Variants in DACH1 observed in about 807,000 individuals in gnomAD.
DACH1 encodes the protein dachshund homolog 1.
DACH1 carries 12 observed loss-of-function variants against 54.2 expected under a neutral mutation model. That is an observed-to-expected ratio of 0.22 (90% CI 0.14 to 0.36). DACH1 has a LOEUF of 0.36. Ranked by LOEUF, DACH1 falls within the 10% of genes least tolerant of loss-of-function variation. The pLI is 1.00. For missense variants in DACH1, 805 were observed against 929.8 expected (o/e 0.87, Z 1.75); for synonymous variants, 386 against 366.2 (o/e 1.05, Z -0.62).
At chr13:71,841,521 T>G (rs1275169802) in intron 1 of DACH1, among the ~76,000 whole-genome samples, 2 of 152,196 alleles carry the variant, frequency 1.3e-5, no homozygotes. Flanking sequence ...ACTGAAAGAA[T>G]GCTTGCATAG....
intron 2 of DACH1, among the ~76,000 whole-genome samples, chr13:71,677,484 C>T (rs1880645391): frequency 1.3e-5 from 2 of 152,138 alleles, no homozygotes; most frequent in South Asian, 4.1e-4. Context: ...ATTCCACAAG[C>T]AATCTCAAAG....
chr13:71,655,490 C>T (rs892314447), intron 2 of DACH1, among the ~76,000 whole-genome samples: 2 of 151,646 alleles, frequency 1.3e-5, no homozygotes, highest in Admixed American at 6.6e-5. Flanking sequence ...CCTGCCTCAG[C>T]CTCCCGAGTA....
intron 3 of DACH1, chr13:71,573,685 A>T: frequency 2.2e-6 from 1 of 455,098 alleles, no homozygotes; most frequent in South Asian, 5.7e-5. Flanking sequence ...TGGAAAACTG[A>T]TTTCTAGGGA....
chr13:71,558,215 G>A (rs1884375479), intron 5 of DACH1, among the ~76,000 whole-genome samples: 2 of 151,998 alleles, frequency 1.3e-5, no homozygotes, highest in Admixed American at 6.6e-5. Context: ...CACTTTCAGA[G>A]AACTTGATTG....
At chr13:71,774,265 T>C (rs1885976799) in intron 1 of DACH1, among the ~76,000 whole-genome samples, 1 of 152,148 alleles carries the variant, frequency 6.6e-6, no homozygotes, top group African/African-American at 2.4e-5. Flanking sequence ...GCTTCTAAGG[T>C]AGAAGCTACA....
intron 3 of DACH1, among the ~76,000 whole-genome samples, chr13:71,613,064 A>T (rs1875454590): frequency 1.3e-5 from 2 of 152,232 alleles, no homozygotes. Context: ...GATTGTGCAA[A>T]GTGCAACAGA....
At chr13:71,738,943 G>A (rs1029659745) in intron 1 of DACH1, among the ~76,000 whole-genome samples, 4 of 151,614 alleles carry the variant, frequency 2.6e-5, no homozygotes, top group African/African-American at 9.7e-5. Flanking sequence ...GAAGAAACGC[G>A]AATCAACAAC....
At chr13:71,459,996 T>C (rs1161231777) in intron 10 of DACH1, among the ~76,000 whole-genome samples, 2 of 152,036 alleles carry the variant, frequency 1.3e-5, no homozygotes, top group Non-Finnish European at 2.9e-5. Context: ...CACTAGGCTA[T>C]GAGAATTCAC....
chr13:71,848,477 T>C (rs181591264), intron 1 of DACH1, among the ~76,000 whole-genome samples: 50 of 152,280 alleles, frequency 3.3e-4, no homozygotes, highest in Middle Eastern at 6.8e-3. Context: ...TTCTTCGTGC[T>C]TTGTAAGCTC....
intron 6 of DACH1, among the ~76,000 whole-genome samples, chr13:71,503,689 C>T (rs535890924): frequency 3.2e-4 from 49 of 152,262 alleles, no homozygotes; most frequent in African/African-American, 1.1e-3. Flanking sequence ...ATACTATTGG[C>T]TGTTTTGGGC....
chr13:71,581,502 C>A (rs1872849807), intron 3 of DACH1, among the ~76,000 whole-genome samples: 1 of 152,148 alleles, frequency 6.6e-6, no homozygotes, highest in Admixed American at 6.5e-5. Context: ...TGATCTGCCG[C>A]CTCGTCTTCC....
intron 10 of DACH1, among the ~76,000 whole-genome samples, chr13:71,458,139 A>G (rs570857323): frequency 6.6e-6 from 1 of 151,944 alleles, no homozygotes; most frequent in Non-Finnish European, 1.5e-5. Flanking sequence ...ACCTATATGA[A>G]TACCTTTTAT....
intron 1 of DACH1, among the ~76,000 whole-genome samples, chr13:71,856,404 A>G (rs1031759813): frequency 2.0e-5 from 3 of 151,996 alleles, no homozygotes; most frequent in Non-Finnish European, 1.5e-5. Context: ...TTCATCTTTG[A>G]TTATAGTACA....
chr13:71,790,548 A>C (rs1314982183), intron 1 of DACH1, among the ~76,000 whole-genome samples: 1 of 152,214 alleles, frequency 6.6e-6, no homozygotes, highest in African/African-American at 2.4e-5. Context: ...GGCCTTCTAA[A>C]ATTATGTGAT....
intron 6 of DACH1, among the ~76,000 whole-genome samples, chr13:71,529,256 G>C (rs182482657): frequency 6.1e-4 from 91 of 148,956 alleles, no homozygotes; most frequent in Middle Eastern, 3.4e-3. Flanking sequence ...GTGCGATCTC[G>C]GCTCACTGCA....
intron 1 of DACH1, among the ~76,000 whole-genome samples, chr13:71,802,490 A>T (rs1252932475): frequency 6.6e-6 from 1 of 152,064 alleles, no homozygotes; most frequent in African/African-American, 2.4e-5. Context: ...GAATTAGAAA[A>T]ATTTCAGCTT....
At chr13:71,466,655 C>A (rs1366187300) in intron 10 of DACH1, among the ~76,000 whole-genome samples, 1 of 151,994 alleles carries the variant, frequency 6.6e-6, no homozygotes, top group African/African-American at 2.4e-5. Context: ...TCAGCCTGAG[C>A]AACATGGCAA....
intron 1 of DACH1, among the ~76,000 whole-genome samples, chr13:71,757,410 G>A (rs935531660): frequency 6.6e-6 from 1 of 151,760 alleles, no homozygotes; most frequent in Non-Finnish European, 1.5e-5. Context: ...TGTCTAACCT[G>A]AACAAATCAC....
chr13:71,791,493 G>A (rs1350218883), intron 1 of DACH1, among the ~76,000 whole-genome samples: 2 of 152,094 alleles, frequency 1.3e-5, no homozygotes, highest in African/African-American at 4.8e-5. Flanking sequence ...TGATTCTCCT[G>A]TCTCAGCTTC....
Sources: gnomAD v4.1 joint callset for allele counts (sites outside exome capture counted in the v4.1 genomes callset) on GRCh38, gnomAD v4.1.1 for gene constraint, MANE v1.5 for transcripts, NCBI Gene and HGNC (gene_info 2026-07-23, HGNC 2026-07-21) for gene names.